Variants in KLF8 observed in about 807,000 individuals in gnomAD.
KLF8 encodes Krueppel-like factor 8.
In KLF8, 10 loss-of-function variants were observed where a neutral mutation model predicts 18.2. That is an observed-to-expected ratio of 0.55 (90% CI 0.34 to 0.93). The LOEUF (loss-of-function observed/expected upper bound fraction) is 0.93. KLF8 is among the 40% of genes least tolerant of loss of function. KLF8 has a pLI of 0.02. For missense variants in KLF8, 264 were observed against 277.9 expected, an observed-to-expected ratio of 0.95 and a Z score of 0.36; for synonymous variants, 109 against 97.3, an observed-to-expected ratio of 1.12 and a Z score of -0.71.
the KLF8 span, among the ~76,000 whole-genome samples, chrX:56,187,027 C>G: frequency 4.5e-5 from 5 of 111,338 alleles, no homozygotes; most frequent in Admixed American, 1.9e-4. Flanking sequence ...ACTAAAATCA[C>G]AGCAGAACTG....
At chrX:56,051,274 A>C in the KLF8 span, among the ~76,000 whole-genome samples, 1 of 110,063 alleles carries the variant, frequency 9.1e-6, no homozygotes, top group African/African-American at 3.3e-5. Context: ...TTACATTTAA[A>C]GTTAATATTG....
chrX:56,215,510 A>G, the KLF8 span, among the ~76,000 whole-genome samples: 2 of 110,291 alleles, frequency 1.8e-5, no homozygotes, highest in East Asian at 2.8e-4. Context: ...GTGAGCATAC[A>G]GCTTCTCAGA....
At chrX:55,988,473 T>A in the KLF8 span, among the ~76,000 whole-genome samples, 2 of 111,599 alleles carry the variant, frequency 1.8e-5, no homozygotes, top group African/African-American at 3.2e-5. Flanking sequence ...TTTCCCCATT[T>A]CTTGTTTTTG....
At chrX:55,956,652 T>C in the KLF8 span, among the ~76,000 whole-genome samples, 1 of 111,988 alleles carries the variant, frequency 8.9e-6, no homozygotes, top group African/African-American at 3.2e-5. Flanking sequence ...ATCTCTCTGA[T>C]GATTAGTGGT....
chrX:56,259,639 T>C (rs937128165), intron 2 of KLF8, among the ~76,000 whole-genome samples: 2 of 111,224 alleles, frequency 1.8e-5, no homozygotes, highest in Non-Finnish European at 1.9e-5. Context: ...TAGTCACTAA[T>C]GTGGTACCTG....
chrX:56,243,014 C>A, intron 1 of KLF8: 1 of 501,654 alleles, frequency 2.0e-6, no homozygotes, highest in Non-Finnish European at 3.7e-6. Flanking sequence ...TTCTTCTCTC[C>A]ATCAGGTCAA....
chrX:56,283,799 A>G (rs2067234382), intron 5 of KLF8, among the ~76,000 whole-genome samples: 1 of 112,162 alleles, frequency 8.9e-6, no homozygotes, highest in African/African-American at 3.2e-5. Context: ...AATGTTTTGA[A>G]CAACTTTGTG....
intron 3 of KLF8, chrX:56,269,123 A>G: frequency 3.2e-6 from 3 of 946,401 alleles, no homozygotes; most frequent in Non-Finnish European, 4.0e-6. Context: ...CTCATTTGAT[A>G]CCACTCATAG....
chrX:56,018,686 GTA>G, the KLF8 span, among the ~76,000 whole-genome samples: 4 of 110,399 alleles, frequency 3.6e-5, no homozygotes, highest in Admixed American at 9.7e-5. Context: ...TATACTATAT[GTA>G]TATATATATT....
the KLF8 span, among the ~76,000 whole-genome samples, chrX:56,040,603 G>A: frequency 9.1e-6 from 1 of 109,773 alleles, no homozygotes; most frequent in Non-Finnish European, 1.9e-5. Context: ...TAAGCTTTTT[G>A]GTGTGCTGCT....
chrX:56,152,704 T>C, the KLF8 span, among the ~76,000 whole-genome samples: 2 of 111,647 alleles, frequency 1.8e-5, no homozygotes, highest in African/African-American at 6.5e-5. Context: ...TTTTACTCTT[T>C]CTAGCACCAA....
chrX:56,036,173 G>A, the KLF8 span, among the ~76,000 whole-genome samples: 1 of 111,472 alleles, frequency 9.0e-6, no homozygotes, highest in Non-Finnish European at 1.9e-5. Flanking sequence ...TACATATGAT[G>A]TATAGTGAAC....
the KLF8 span, among the ~76,000 whole-genome samples, chrX:55,940,426 G>C: frequency 3.6e-5 from 4 of 111,709 alleles, no homozygotes; most frequent in African/African-American, 9.8e-5. Flanking sequence ...GTATCATATT[G>C]AATGGACAAA....
At chrX:56,133,522 A>G in the KLF8 span, among the ~76,000 whole-genome samples, 313 of 111,895 alleles carry the variant, frequency 2.8e-3, 1 homozygote, top group African/African-American at 9.6e-3. Context: ...CCTCAATGTA[A>G]TAAAGTCCAC....
At chrX:56,067,920 T>A in the KLF8 span, among the ~76,000 whole-genome samples, 1 of 112,477 alleles carries the variant, frequency 8.9e-6, no homozygotes, top group East Asian at 2.8e-4. Context: ...TTACTTCCCC[T>A]TGCTGGAAGA....
At chrX:55,920,120 C>G in the KLF8 span, among the ~76,000 whole-genome samples, 2 of 111,920 alleles carry the variant, frequency 1.8e-5, no homozygotes, top group Non-Finnish European at 3.8e-5. Flanking sequence ...AGTACCAGCT[C>G]AGAGCATGGT....
the KLF8 span, among the ~76,000 whole-genome samples, chrX:56,188,195 T>C: frequency 8.1e-5 from 9 of 111,304 alleles, no homozygotes; most frequent in Non-Finnish European, 1.5e-4. Context: ...ACAAAATCAA[T>C]GTACAAAAAT....
the KLF8 span, among the ~76,000 whole-genome samples, chrX:55,983,491 C>T: frequency 8.9e-6 from 1 of 111,789 alleles, no homozygotes; most frequent in Non-Finnish European, 1.9e-5. Context: ...ATACTTCATT[C>T]TACTCAGAAC....
At chrX:56,095,499 A>G in the KLF8 span, among the ~76,000 whole-genome samples, 7 of 112,313 alleles carry the variant, frequency 6.2e-5, no homozygotes, top group East Asian at 1.7e-3. Context: ...AGCAAAAAAA[A>G]AGCTAGAGTA....
Sources: gnomAD v4.1 joint callset for allele counts (sites outside exome capture counted in the v4.1 genomes callset) on GRCh38, gnomAD v4.1.1 for gene constraint, MANE v1.5 for transcripts, NCBI Gene and HGNC (gene_info 2026-07-23, HGNC 2026-07-21) for gene names.